Variants in CCDC122 observed in about 807,000 individuals in gnomAD.
CCDC122 encodes the protein coiled-coil domain containing 122.
Under a neutral mutation model 37.0 loss-of-function variants are expected in CCDC122, and 38 were observed. That is an observed-to-expected ratio of 1.03 (90% CI 0.79 to 1.35). CCDC122 has a LOEUF of 1.35. Ranked by LOEUF, CCDC122 falls within the 40% of genes most tolerant of loss-of-function variation. The pLI is 0.00. For synonymous variants in CCDC122, 83 were observed against 95.6 expected, an observed-to-expected ratio of 0.87 and a Z score of 0.77; for missense variants, 305 against 310.0, an observed-to-expected ratio of 0.98 and a Z score of 0.12.
chr13:43,831,917 CATT>C (rs772305690), downstream of CCDC122, among the ~76,000 whole-genome samples: 7 of 151,966 alleles, frequency 4.6e-5, no homozygotes, highest in South Asian at 1.5e-3. Context: ...AGCTCACAGT[CATT>C]ATTTAAATAG....
chr13:43,835,560 C>T (rs1953141801), downstream of CCDC122, among the ~76,000 whole-genome samples: 2 of 152,028 alleles, frequency 1.3e-5, no homozygotes, highest in Non-Finnish European at 1.5e-5. Context: ...TTTTAGAAAA[C>T]TACATTAAAA....
chr13:43,868,869 T>C (rs1954358324), intron 3 of CCDC122, 66 bp from the exon 4 acceptor site: 2 of 680,576 alleles, frequency 2.9e-6, no homozygotes, highest in East Asian at 6.7e-5. Flanking sequence ...AAGAAAGTTA[T>C]GTTTCTTTAC....
At chr13:43,860,231 AATT>A (rs72274241) in intron 4 of CCDC122, among the ~76,000 whole-genome samples, 161 bp from the exon 5 acceptor site, 55,552 of 151,702 alleles carry the variant, frequency 0.37, 12,397 homozygotes, top group Non-Finnish European at 0.51. Flanking sequence ...CAATAAACAC[AATT>A]ATTTTATAAT....
intron 6 of CCDC122, chr13:43,855,949 A>C (rs1362486910): frequency 2.0e-5 from 3 of 152,258 alleles, no homozygotes; most frequent in Non-Finnish European, 2.9e-5. Context: ...AAAGACATGG[A>C]ATCAACCTAA....
intron 6 of CCDC122, among the ~76,000 whole-genome samples, chr13:43,841,057 G>A (rs1032181940): frequency 4.6e-5 from 7 of 152,056 alleles, no homozygotes; most frequent in Non-Finnish European, 1.0e-4. Context: ...TCATCTCACT[G>A]GGGAGTGTCG....
At position 43,857,898 on chromosome 13, in the gene CCDC122, G is replaced by A. The variant is rs149742314; in HGVS notation, c.672+883C>T. Among the ~76,000 whole-genome samples the A allele has an allele frequency of 8.4e-3, 1,274 of 152,000 alleles. 3 individuals carry two copies. Among genetic ancestry groups the A allele is most frequent in the Non-Finnish European group, 0.014 (979 of 67,974 alleles). The stretch of plus-strand genomic sequence containing the variant: ...AGTCTGGGTGACAGAGCAAGACTCC[G>A]TCTCAAAAATAAAGAAAAAATAATA... On this transcript the variant is annotated intron_variant, in intron 6 of 6. Coordinates refer to ENST00000444614, the MANE Select transcript of CCDC122 (RefSeq NM_144974.5).
intron 3 of CCDC122, among the ~76,000 whole-genome samples, chr13:43,826,532 T>C (rs1415087893): frequency 1.3e-5 from 2 of 152,148 alleles, no homozygotes; most frequent in African/African-American, 2.4e-5. Context: ...GGGAAACATC[T>C]TAATGAAAGC....
chr13:43,855,297 T>TA (rs772908840), intron 6 of CCDC122: 4 of 151,626 alleles, frequency 2.6e-5, no homozygotes, highest in Non-Finnish European at 5.9e-5. Flanking sequence ...ACAAAATCAA[T>TA]ATGCAAAAAT....
chr13:43,851,646 T>A (rs1022308178), intron 6 of CCDC122, among the ~76,000 whole-genome samples: 7 of 152,220 alleles, frequency 4.6e-5, no homozygotes, highest in Admixed American at 4.6e-4. Flanking sequence ...CTGCTGCTGC[T>A]GGCATGCACA....
At chr13:43,861,781 C>G (rs566492178) in intron 4 of CCDC122, among the ~76,000 whole-genome samples, 2 of 152,274 alleles carry the variant, frequency 1.3e-5, no homozygotes, top group South Asian at 4.1e-4. Context: ...TACCAGACAT[C>G]TCAACTATAC....
At chr13:43,870,656 A>G (rs777632011) in intron 2 of CCDC122, among the ~76,000 whole-genome samples, 1 of 152,146 alleles carries the variant, frequency 6.6e-6, no homozygotes, top group Non-Finnish European at 1.5e-5. Flanking sequence ...AGAACTTTAC[A>G]AATAGTAACT....
intron 4 of CCDC122, among the ~76,000 whole-genome samples, chr13:43,861,502 T>C (rs572899312): frequency 2.6e-5 from 4 of 152,286 alleles, no homozygotes; most frequent in African/African-American, 9.6e-5. Context: ...ACTGTCTAAA[T>C]GTTTCTCAAA....
chr13:43,852,080 C>T (rs2153873042), intron 6 of CCDC122, among the ~76,000 whole-genome samples: 1 of 152,230 alleles, frequency 6.6e-6, no homozygotes, highest in East Asian at 1.9e-4. Context: ...CCCAAAGTGC[C>T]TTCTTTCTTC....
At chr13:43,868,661 A>G (rs1383295564) in intron 4 of CCDC122, 33 bp downstream of exon 4, 2 of 1,121,886 alleles carry the variant, frequency 1.8e-6, no homozygotes, top group Non-Finnish European at 1.3e-6. Context: ...TGAAGAAAGT[A>G]AAGACATTTA....
intron 4 of CCDC122, among the ~76,000 whole-genome samples, chr13:43,866,016 T>A (rs1954264818): frequency 6.6e-6 from 1 of 152,166 alleles, no homozygotes; most frequent in Admixed American, 6.5e-5. Flanking sequence ...ACAATCAATC[T>A]GATAACTGAG....
Position 43,859,833 on chromosome 13 carries a change from T to TA in CCDC122, c.393_394insT (p.Ile132TyrfsTer5). ...CCCAAACTATTTTTATGTGCTTTTA[T>TA]TTTTGCATAATATGCATTATATTTT... is the stretch of plus-strand genomic sequence containing the variant. On this transcript the variant is annotated frameshift_variant, in exon 5 of 7. Transcript: ENST00000444614. LOFTEE classifies it high-confidence loss of function. 1 of 1,609,838 alleles carries TA rather than the reference T, an allele frequency of 6.2e-7. No individual in the cohort carries two copies. The highest frequency in any genetic ancestry group is 8.5e-7 in the Non-Finnish European group (1 of 1,178,554).
chr13:43,855,301 C>T (rs1953868444), intron 6 of CCDC122: 1 of 151,362 alleles, frequency 6.6e-6, no homozygotes, highest in African/African-American at 2.4e-5. Flanking sequence ...AATCAATATG[C>T]AAAAATCACT....
chr13:43,877,609 T>C (rs1348309269), intron 1 of CCDC122: 13 of 152,168 alleles, frequency 8.5e-5, no homozygotes, highest in Non-Finnish European at 1.8e-4. Context: ...AAGATTATGT[T>C]TGAGCTTGAA....
At chr13:43,823,293 T>G (rs73463562), downstream of CCDC122, among the ~76,000 whole-genome samples, 7,389 of 152,152 alleles carry the variant, frequency 0.049, 354 homozygotes, top group African/African-American at 0.12. Flanking sequence ...CCTGTCTCAC[T>G]GTGGCTGGGC....
Sources: gnomAD v4.1 joint callset for allele counts (sites outside exome capture counted in the v4.1 genomes callset) on GRCh38, gnomAD v4.1.1 for gene constraint, MANE v1.5 for transcripts, NCBI Gene and HGNC (gene_info 2026-07-23, HGNC 2026-07-21) for gene names.